Variants in CDR2L observed in about 807,000 individuals in gnomAD.
CDR2L encodes the protein cerebellar degeneration related protein 2 like.
A neutral mutation model predicts 36.1 loss-of-function variants in CDR2L; 19 were observed. That is an observed-to-expected ratio of 0.53 (90% confidence interval 0.37 to 0.77). The LOEUF is 0.77. Ranked by LOEUF, CDR2L falls within the 30% of genes least tolerant of loss-of-function variation. The pLI is 0.00. For synonymous variants in CDR2L, 285 were observed against 280.4 expected, an observed-to-expected ratio of 1.02 and a Z score of -0.16; for missense variants, 575 against 627.2, an observed-to-expected ratio of 0.92 and a Z score of 0.89.
intron 1 of CDR2L, among the ~76,000 whole-genome samples, chr17:74,995,069 CAAA>C (rs34010923): frequency 1.1e-5 from 1 of 90,756 alleles, no homozygotes; most frequent in Admixed American, 1.3e-4. Context: ...GACTCAGTCT[CAAA>C]AAAAAAAAAA....
intron 1 of CDR2L, among the ~76,000 whole-genome samples, chr17:74,994,791 G>A (rs1042391269): frequency 6.6e-6 from 1 of 151,946 alleles, no homozygotes; most frequent in South Asian, 2.1e-4. Flanking sequence ...TTTTTTTGTA[G>A]AGATGGGGTC....
At chr17:74,991,580 G>A (rs1380432161) in intron 1 of CDR2L, among the ~76,000 whole-genome samples, 1 of 151,998 alleles carries the variant, frequency 6.6e-6, no homozygotes. Context: ...AGCCGGGCGC[G>A]GTGGCGGGCG....
intron 1 of CDR2L, among the ~76,000 whole-genome samples, chr17:74,997,584 G>C (rs1441495952): frequency 6.6e-6 from 1 of 151,614 alleles, no homozygotes; most frequent in Non-Finnish European, 1.5e-5. Context: ...ATATTCATGA[G>C]CAAAACATAA....
intron 1 of CDR2L, among the ~76,000 whole-genome samples, chr17:74,995,900 T>A (rs2144860294): frequency 6.6e-6 from 1 of 152,298 alleles, no homozygotes; most frequent in African/African-American, 2.4e-5. Flanking sequence ...GAAAACAGCC[T>A]TGTGAAACTC....
chr17:74,991,455 C>T (rs954594826), intron 1 of CDR2L, among the ~76,000 whole-genome samples: 22 of 147,570 alleles, frequency 1.5e-4, no homozygotes, highest in Non-Finnish European at 1.0e-4. Flanking sequence ...CGGTGGCTCA[C>T]GCCTGTAATC....
intron 1 of CDR2L, among the ~76,000 whole-genome samples, chr17:74,998,116 G>A (rs563820931): frequency 6.6e-6 from 1 of 152,186 alleles, no homozygotes; most frequent in East Asian, 1.9e-4. Flanking sequence ...AGCTACCTGG[G>A]AGGCTGAGGC....
At chr17:74,999,411 C>T in intron 1 of CDR2L, 93 bp from the exon 2 acceptor site, 1 of 802,908 alleles carries the variant, frequency 1.2e-6, no homozygotes, top group Non-Finnish European at 2.0e-6. Context: ...CTCCCAGTGT[C>T]TTGGTTACAT....
Position 75,003,257 on chromosome 17 carries a change from GGCT to G in CDR2L, c.584_586del (p.Leu195del), listed in dbSNP as rs1207989353. 6.4e-7 allele frequency: 1 copy of G among 1,560,552 alleles called. No homozygotes were observed. The highest frequency in any genetic ancestry group is 2.4e-5 in the East Asian group (1 of 41,702). On this transcript the variant is annotated inframe_deletion, in exon 5 of 5. Coordinates refer to ENST00000337231, the MANE Select transcript of CDR2L (RefSeq NM_014603.3). ...CGGCCCCTGGAGCAGGAGAACGAGCGGCTGCAGACCCTGGTGGGGGCGCTGCGC... is the reference window on the plus strand; with the variant it reads ...CGGCCCCTGGAGCAGGAGAACGAGCGGCAGACCCTGGTGGGGGCGCTGCGC...
In CDR2L at chr17:75,001,398, T is replaced by G; in HGVS notation, c.250T>G (p.Tyr84Asp). The G allele has an allele frequency of 6.2e-7, 1 of 1,611,466 alleles. No individual in the cohort carries two copies. Among genetic ancestry groups the G allele is most frequent in the Non-Finnish European group, 8.5e-7 (1 of 1,179,104 alleles). ...CGTGAACGAGCAGCACGCCAAAGTC[T>G]ATGAGCAGCTGGACCTGACAGCCCG... ...RHVNEQHAKVYEQLDLTARDL... is the reference protein window; with the variant it reads ...RHVNEQHAKVDEQLDLTARDL... Residue 84 changes from tyrosine to aspartate, a missense_variant, in exon 3 of 5, where the codon TAT becomes GAT. Tyr to Asp is a radical substitution (Grantham distance 160). Transcript: ENST00000337231.
chr17:74,996,364 A>C (rs1457434170), intron 1 of CDR2L, among the ~76,000 whole-genome samples: 1 of 151,468 alleles, frequency 6.6e-6, no homozygotes, highest in Non-Finnish European at 1.5e-5. Flanking sequence ...AAATAGCTTG[A>C]ACCCGGGAGG....
chr17:74,991,893 C>T (rs896632708), intron 1 of CDR2L, among the ~76,000 whole-genome samples: 1 of 152,062 alleles, frequency 6.6e-6, no homozygotes, highest in Non-Finnish European at 1.5e-5. Context: ...CCGTGCTGTC[C>T]CCGCCTGCCT....
At chr17:74,999,760 G>T in intron 2 of CDR2L, 144 bp downstream of exon 2, 1 of 532,766 alleles carries the variant, frequency 1.9e-6, no homozygotes, top group Non-Finnish European at 3.3e-6. Context: ...GTGCTATCCT[G>T]TACAAGGATA....
At chr17:75,000,047 C>A (rs2039855629) in intron 2 of CDR2L, among the ~76,000 whole-genome samples, 2 of 152,110 alleles carry the variant, frequency 1.3e-5, no homozygotes, top group Non-Finnish European at 2.9e-5. Flanking sequence ...GTAATCCCAG[C>A]ACTTTGGGAG....
chr17:74,988,780 C>A (rs190026783), intron 1 of CDR2L, among the ~76,000 whole-genome samples: 1 of 152,288 alleles, frequency 6.6e-6, no homozygotes, highest in African/African-American at 2.4e-5. Flanking sequence ...GGAATCCCGG[C>A]CAGTGTGCCA....
At chr17:74,988,188 T>C (rs1598650041) in intron 1 of CDR2L, 66 bp downstream of exon 1, 3 of 1,209,522 alleles carry the variant, frequency 2.5e-6, no homozygotes, top group East Asian at 6.3e-5. Flanking sequence ...CGCTTCTCCA[T>C]TGTTGGGCGC....
intron 2 of CDR2L, among the ~76,000 whole-genome samples, chr17:75,000,890 C>T (rs991304527): frequency 6.6e-6 from 1 of 150,966 alleles, no homozygotes; most frequent in Non-Finnish European, 1.5e-5. Flanking sequence ...TGCACTCCAG[C>T]CTGGGCGAGA....
chr17:74,988,106 G>A lies in CDR2L; in HGVS notation c.63G>A (p.Gln21=), dbSNP rs1168182633. The change falls in exon 1 of 5, where the codon CAG becomes CAA. Residue 21 remains glutamine, a synonymous_variant. Transcript: ENST00000337231. ...SAEEEESWYD[Q]QDLEQDLHLA... ...AGGAAGAGGAGTCCTGGTACGACCA[G>A]CAGGACCTGGAGCAGGGTGAGCGCG... is the stretch of plus-strand genomic sequence containing the variant. 7.8e-6 allele frequency: 12 copies of A among 1,533,262 alleles called. No individual in the cohort carries two copies. The highest frequency in any genetic ancestry group is 1.1e-5 in the Non-Finnish European group (12 of 1,140,808). The allele number at this position is 1,533,262 out of a possible 1,614,324, so 95.0% of individuals were successfully genotyped here.
Position 74,989,426 on chromosome 17 carries a change from C to CACACACACACAT in CDR2L, c.79+1315_79+1316insTACACACACACA, listed in dbSNP as rs2039783189. ...CTCCTCTCAAACACACACACACACA[C>CACACACACACAT]ACACACACACACACACACACATCCA... On this transcript the variant is annotated intron_variant, in intron 1 of 4. Transcript: ENST00000337231. This position sits in a 1 kb window ranked among gnomAD's most constrained non-coding sequence, Gnocchi z 4.2. 6.6e-6 allele frequency among the ~76,000 whole-genome samples: 1 copy of CACACACACACAT among 151,120 alleles called. No individual in the cohort carries two copies. The highest frequency in any genetic ancestry group is 2.4e-5 in the African/African-American group (1 of 41,026).
chr17:75,003,558 C>G lies in CDR2L; in HGVS notation c.882C>G (p.Asp294Glu). ...ACGATCCCCAGCCCGGCCGCGGGGA[C>G]GACTTGGGCGCCCAGGACGGGGTCT... ...EADDPQPGRG[D>E]DLGAQDGVSS... The change falls in exon 5 of 5, where the codon GAC (aspartate) becomes GAG (glutamate). Residue 294 changes from aspartate to glutamate, a missense_variant. By Grantham distance (45) the Asp-to-Glu change is conservative. Transcript: ENST00000337231. The G allele has an allele frequency of 6.6e-7, 1 of 1,510,158 alleles. No individual in the cohort carries two copies. The allele number at this position is 1,510,158 out of a possible 1,614,324, so 93.5% of individuals were successfully genotyped here. A position where few individuals can be genotyped will look rare whatever the true frequency, so the allele number is the denominator to read the frequency against.
Sources: allele counts gnomAD v4.1 joint callset (sites outside exome capture counted in the v4.1 genomes callset), GRCh38; gene constraint gnomAD v4.1.1; non-coding constraint Gnocchi (gnomAD v3.1); transcripts MANE v1.5; gene names NCBI Gene and HGNC (gene_info 2026-07-23, HGNC 2026-07-21).